Variants in CYP2C19 observed in about 807,000 individuals in gnomAD.
CYP2C19 encodes cytochrome P450 2C19.
CYP2C19 carries 59 observed loss-of-function variants against 40.9 expected under a neutral mutation model. The observed-to-expected ratio is 1.44, with a 90% CI of 1.17 to 1.79. The LOEUF is 1.79. CYP2C19 is among the 40% of genes most tolerant of loss of function. The pLI is 0.00. For missense variants in CYP2C19, 754 were observed against 596.9 expected, an observed-to-expected ratio of 1.26 and a Z score of -2.74; for synonymous variants, 253 against 208.7, an observed-to-expected ratio of 1.21 and a Z score of -1.83.
intron 5 of CYP2C19, among the ~76,000 whole-genome samples, chr10:94,811,332 T>C (rs1057509667): frequency 6.6e-6 from 1 of 151,262 alleles, no homozygotes; most frequent in Non-Finnish European, 1.5e-5. Flanking sequence ...AAGTGTGAAG[T>C]GGTGCTGAGA....
intron 5 of CYP2C19, among the ~76,000 whole-genome samples, chr10:94,797,722 G>T (rs943104261): frequency 6.6e-6 from 1 of 151,708 alleles, no homozygotes; most frequent in Non-Finnish European, 1.5e-5. Flanking sequence ...GTCTTGGGAG[G>T]GTGTATTTGT....
intron 5 of CYP2C19, among the ~76,000 whole-genome samples, chr10:94,817,296 T>C (rs1374504576): frequency 2.0e-5 from 3 of 151,290 alleles, no homozygotes; most frequent in Non-Finnish European, 4.4e-5. Flanking sequence ...TGATATCTCA[T>C]TGTGGTTTTG....
At position 94,777,524 on chromosome 10, in the gene CYP2C19, C is replaced by T. The variant is rs190373424; in HGVS notation, c.481+1985C>T. Among the ~76,000 whole-genome samples, 18 of 152,222 alleles carry T rather than the reference C, an allele frequency of 1.2e-4. No homozygotes were observed. In the East Asian group the frequency reaches 3.5e-3, roughly 29 times the overall value. ...ACATCTACAACCATCTGATCTTCAA[C>T]AAACCTGACAAAAACAAGCAATGGG... On this transcript the variant is annotated intron_variant, in intron 3 of 8. Coordinates refer to ENST00000371321, the MANE Select transcript of CYP2C19 (RefSeq NM_000769.4).
intron 5 of CYP2C19, among the ~76,000 whole-genome samples, chr10:94,795,568 G>C (rs1258379014): frequency 6.6e-6 from 1 of 152,004 alleles, no homozygotes; most frequent in Non-Finnish European, 1.5e-5. Flanking sequence ...ATATCCCTGA[G>C]GAATTGCCAC....
At position 94,770,329 on chromosome 10, in the gene CYP2C19, T is replaced by C. The variant is rs150459890; in HGVS notation, c.169-4729T>C. ...GGGTGAGGGGGTGGCTTGTTTCTCA[T>C]TGGACAATCTTTTTTAAAAATGTCC... On this transcript the variant is annotated intron_variant, in intron 1 of 8. Coordinates refer to ENST00000371321, the MANE Select transcript of CYP2C19 (RefSeq NM_000769.4). Among the ~76,000 whole-genome samples, 475 of 152,268 alleles carry C rather than the reference T, an allele frequency of 3.1e-3. 3 individuals carry two copies. Among genetic ancestry groups the C allele is most frequent in the African/African-American group, 0.011 (452 of 41,582 alleles).
At chr10:94,836,677 A>G (rs1849408425) in intron 6 of CYP2C19, among the ~76,000 whole-genome samples, 1 of 152,244 alleles carries the variant, frequency 6.6e-6, no homozygotes, top group African/African-American at 2.4e-5. Flanking sequence ...TAAGCTGGAT[A>G]CGTTCCTCAC....
At chr10:94,807,172 A>T (rs749040233) in intron 5 of CYP2C19, among the ~76,000 whole-genome samples, 4 of 152,150 alleles carry the variant, frequency 2.6e-5, no homozygotes, top group Non-Finnish European at 5.9e-5. Context: ...ATTTCACTTA[A>T]CATAATGTCT....
At chr10:94,764,778 A>C (rs1006230078) in intron 1 of CYP2C19, among the ~76,000 whole-genome samples, 1 of 152,144 alleles carries the variant, frequency 6.6e-6, no homozygotes. Context: ...GAGGAAACAA[A>C]TTTGACAAGG....
intron 5 of CYP2C19, among the ~76,000 whole-genome samples, chr10:94,811,742 C>A (rs983207750): frequency 1.3e-5 from 2 of 152,000 alleles, no homozygotes; most frequent in African/African-American, 2.4e-5. Flanking sequence ...AAATATTCCT[C>A]CATCCCTTTA....
At chr10:94,848,396 G>A (rs1424211035) in intron 7 of CYP2C19, among the ~76,000 whole-genome samples, 1 of 152,074 alleles carries the variant, frequency 6.6e-6, no homozygotes, top group Non-Finnish European at 1.5e-5. Context: ...GTAGATGTGT[G>A]GTATTATTTC....
At chr10:94,790,259 AT>A (rs1422854978) in intron 5 of CYP2C19, among the ~76,000 whole-genome samples, 1 of 151,962 alleles carries the variant, frequency 6.6e-6, no homozygotes, top group Non-Finnish European at 1.5e-5. Context: ...GACAATGGGG[AT>A]TTCCTAAATA....
At chr10:94,822,694 G>T (rs1849144617) in intron 6 of CYP2C19, among the ~76,000 whole-genome samples, 2 of 152,174 alleles carry the variant, frequency 1.3e-5, no homozygotes, top group African/African-American at 4.8e-5. Context: ...CACCAGCAGT[G>T]TAAAAGCATT....
rs113844720 is a variant in CYP2C19, at chr10:94,765,195, G to A, written c.168+2322G>A. ...AGATAAACTGGCTATTCTGGTTCCT[G>A]TAGCAGTAGCCATTCCTAACCCTAT... is the stretch of plus-strand genomic sequence containing the variant. On this transcript the variant is annotated intron_variant, in intron 1 of 8. Transcript: ENST00000371321. Among the ~76,000 whole-genome samples, 855 of 152,226 alleles carry A rather than the reference G, an allele frequency of 5.6e-3. 13 individuals carry two copies. The highest frequency in any genetic ancestry group is 0.019 in the African/African-American group (785 of 41,542).
rs557555462 is a variant in CYP2C19 at position 94,842,473 on chromosome 10, T to A, written c.962-364T>A. Among the ~76,000 whole-genome samples the A allele has an allele frequency of 2.0e-5, 3 of 150,998 alleles. No individual in the cohort carries two copies. The South Asian group carries it at 6.4e-4, about 32-fold the overall frequency. On this transcript the variant is annotated intron_variant, in intron 6 of 8. Coordinates refer to ENST00000371321, the MANE Select transcript of CYP2C19 (RefSeq NM_000769.4). ...AGTCAGTTTGTCTTTTGATTGGAAA[T>A]TTTAGTCCATTTACATTCAGTGTTA...
chr10:94,824,142 C>T (rs182950522), intron 6 of CYP2C19, among the ~76,000 whole-genome samples: 40 of 152,240 alleles, frequency 2.6e-4, no homozygotes, highest in Admixed American at 1.0e-3. Flanking sequence ...AAAATATAAT[C>T]ATAGCTGTCT....
At chr10:94,811,395 G>A (rs1341665565) in intron 5 of CYP2C19, among the ~76,000 whole-genome samples, 1 of 152,096 alleles carries the variant, frequency 6.6e-6, no homozygotes, top group Non-Finnish European at 1.5e-5. Flanking sequence ...TATCTATTAT[G>A]CCCGCTTGGT....
chr10:94,796,114 G>T (rs952763288), intron 5 of CYP2C19, among the ~76,000 whole-genome samples: 7 of 152,262 alleles, frequency 4.6e-5, no homozygotes, highest in Non-Finnish European at 7.4e-5. Context: ...TTTTCTTCTA[G>T]GGTTTTTATG....
At chr10:94,844,983 C>T (rs1203922603) in intron 7 of CYP2C19, among the ~76,000 whole-genome samples, 1 of 152,290 alleles carries the variant, frequency 6.6e-6, no homozygotes, top group East Asian at 1.9e-4. Flanking sequence ...TCATGCTATG[C>T]CTGGTGTCTT....
Position 94,852,839 on chromosome 10 carries a change from C to T in CYP2C19, c.1398C>T (p.Asp466=), listed in dbSNP as rs375283723. The change falls in exon 9 of 9, where the codon GAC becomes GAT. Residue 466 remains aspartate, a synonymous_variant. Coordinates refer to ENST00000371321, the MANE Select transcript of CYP2C19 (RefSeq NM_000769.4). The part of the protein sequence containing the change: ...FNLKSLIDPK[D]LDTTPVVNGF... ...TGAAATCTCTGATTGACCCAAAGGA[C>T]CTTGACACAACTCCTGTTGTCAATG... 5.7e-5 allele frequency: 92 copies of T among 1,614,108 alleles called. 1 individual carries two copies. In the South Asian group the frequency reaches 8.1e-4, roughly 14 times the overall value.
Sources: allele counts gnomAD v4.1 joint callset (sites outside exome capture counted in the v4.1 genomes callset), GRCh38; gene constraint gnomAD v4.1.1; transcripts MANE v1.5; gene names NCBI Gene and HGNC (gene_info 2026-07-23, HGNC 2026-07-21).